Variants in RDH11 observed in about 807,000 individuals in gnomAD.
The protein encoded by RDH11 is HCV core-binding protein HCBP12.
RDH11 carries 19 observed loss-of-function variants against 33.4 expected under a neutral mutation model. The observed-to-expected ratio is 0.57, with a 90% CI of 0.40 to 0.83. RDH11 has a LOEUF of 0.83. Among genes scored for constraint, RDH11 ranks in the 40% least tolerant of loss-of-function variants. The pLI is 0.00. For synonymous variants in RDH11, 154 were observed against 155.3 expected, an observed-to-expected ratio of 0.99 and a Z score of 0.06; for missense variants, 353 against 389.0, an observed-to-expected ratio of 0.91 and a Z score of 0.78.
Position 67,692,981 on chromosome 14 carries a change from G to T in RDH11, c.146C>A (p.Ala49Asp). 6.2e-7 allele frequency: 1 copy of T among 1,614,112 alleles called. No homozygotes were observed. Among genetic ancestry groups the T allele is most frequent in the East Asian group, 2.2e-5 (1 of 44,870 alleles). ...LPGKVVVVTG[A>D]NTGIGKETAK... ...TGTCTCCTTCCCGATACCTGTATTA[G>T]CTCCTGTGACCACAACTACTTTCCC... Residue 49 changes from alanine to aspartate, a missense_variant, in exon 2 of 7, where the codon GCT becomes GAT. Coordinates refer to ENST00000381346, the MANE Select transcript of RDH11 (RefSeq NM_016026.4).
At chr14:67,694,515 TA>T (rs57038358) in intron 1 of RDH11, among the ~76,000 whole-genome samples, 3,947 of 136,464 alleles carry the variant, frequency 0.029, 196 homozygotes, top group African/African-American at 0.097. Context: ...TACACACATA[TA>T]TTTTTTTTTT....
chr14:67,694,725 G>C (rs932917089), intron 1 of RDH11, among the ~76,000 whole-genome samples: 10 of 152,154 alleles, frequency 6.6e-5, no homozygotes, highest in African/African-American at 2.4e-4. Flanking sequence ...AACTGGAAGA[G>C]GGGCACCAGA....
intron 5 of RDH11, among the ~76,000 whole-genome samples, chr14:67,687,477 T>C (rs2037693799): frequency 6.7e-6 from 1 of 150,040 alleles, no homozygotes; most frequent in East Asian, 2.0e-4. Flanking sequence ...CTTTTTTTTT[T>C]TTTTTTTTTT....
At chr14:67,694,180 GT>G (rs2140086736) in intron 1 of RDH11, among the ~76,000 whole-genome samples, 1 of 152,212 alleles carries the variant, frequency 6.6e-6, no homozygotes, top group South Asian at 2.1e-4. Flanking sequence ...TACCTGCATA[GT>G]GCGAAAATGC....
chr14:67,685,230 G>A (rs755270946), intron 5 of RDH11, 26 bp from the exon 6 acceptor site: 13 of 1,583,412 alleles, frequency 8.2e-6, no homozygotes, highest in South Asian at 1.1e-5. Flanking sequence ...ATGAAGAGAG[G>A]GTAAGACAGG....
intron 5 of RDH11, among the ~76,000 whole-genome samples, chr14:67,688,200 G>A (rs1396466597): frequency 6.6e-6 from 1 of 152,088 alleles, no homozygotes; most frequent in African/African-American, 2.4e-5. Context: ...GTCCCCCCAA[G>A]ACTCCCACTA....
chr14:67,693,786 C>T (rs1355355242), intron 1 of RDH11, among the ~76,000 whole-genome samples: 2 of 151,738 alleles, frequency 1.3e-5, no homozygotes, highest in Admixed American at 1.3e-4. Flanking sequence ...CATCCCTCAC[C>T]CCCTCACCCA....
chr14:67,693,145 G>T, intron 1 of RDH11, 93 bp from the exon 2 acceptor site: 2 of 775,010 alleles, frequency 2.6e-6, no homozygotes, highest in Non-Finnish European at 4.2e-6. Context: ...GCTGAGGTTT[G>T]CTTTAGTTCT....
At position 67,681,662 on chromosome 14, in the gene RDH11, G is replaced by A. The variant is rs2037617034; in HGVS notation, c.855-3239C>T. The stretch of plus-strand genomic sequence containing the variant: ...CCAGGCATGGTGGTGTGCACCTGTA[G>A]TCCCAGCTACTCGGGAGGCTGAGAC... On this transcript the variant is annotated intron_variant, in intron 6 of 6. Transcript: ENST00000381346. Among the ~76,000 whole-genome samples the A allele has an allele frequency of 2.0e-5, 3 of 152,116 alleles. No individual in the cohort carries two copies. The South Asian group carries it at 6.2e-4, about 31-fold the overall frequency.
At chr14:67,691,465 C>T in intron 3 of RDH11, 1 of 468,864 alleles carries the variant, frequency 2.1e-6, no homozygotes, top group South Asian at 2.9e-5. Context: ...TACCAAATGA[C>T]CTTCCAGATC....
chr14:67,695,697 C>T lies in RDH11; in HGVS notation c.7G>A (p.Glu3Lys). Reference protein sequence around the residue: MVELMFPLLLLLL... With the variant: MVKLMFPLLLLLL... The stretch of plus-strand genomic sequence containing the variant: ...AGGAGCAACAGCGGGAACATGAGCT[C>T]AACCATCTCTGCCGGCTGCAGCGGC... Residue 3 changes from glutamate (E) to lysine (K), a missense_variant, in exon 1 of 7, where the codon GAG (glutamate) becomes AAG (lysine). Glu to Lys is a moderately conservative substitution (Grantham distance 56, BLOSUM62 1). Coordinates refer to ENST00000381346, the MANE Select transcript of RDH11 (RefSeq NM_016026.4). 1.2e-6 allele frequency: 2 copies of T among 1,614,164 alleles called. No individual in the cohort carries two copies. Among genetic ancestry groups the T allele is most frequent in the Non-Finnish European group, 8.5e-7 (1 of 1,180,018 alleles).
rs547443174 is a variant in RDH11 at position 67,677,628 on chromosome 14, T to C, written c.*693A>G. On this transcript the variant is annotated 3_prime_UTR_variant, in exon 7 of 7. Coordinates refer to ENST00000381346, the MANE Select transcript of RDH11 (RefSeq NM_016026.4). Reference sequence around the variant, plus strand: ...TGCTCTTGGTGGGTAGTTACCAACATATACAGAATCTGCTTCCCTTTGCAG... The same window carrying C: ...TGCTCTTGGTGGGTAGTTACCAACACATACAGAATCTGCTTCCCTTTGCAG... The C allele has an allele frequency of 5.9e-5, 9 of 152,254 alleles. No individual in the cohort carries two copies. In the East Asian group the frequency reaches 7.7e-4, roughly 13 times the overall value. 9.4% of individuals were successfully genotyped at this position (152,254 alleles called of 1,614,324 possible). A position where few individuals can be genotyped will look rare whatever the true frequency, so the allele number is the denominator to read the frequency against.
intron 5 of RDH11, among the ~76,000 whole-genome samples, 192 bp from the exon 6 acceptor site, chr14:67,685,396 T>C (rs1431046686): frequency 1.3e-5 from 2 of 152,174 alleles, no homozygotes; most frequent in Admixed American, 1.3e-4. Flanking sequence ...GAGTAGACAG[T>C]GCTAAGGACC....
chr14:67,694,626 AGAT>A (rs2037804517), intron 1 of RDH11, among the ~76,000 whole-genome samples: 2 of 152,058 alleles, frequency 1.3e-5, no homozygotes, highest in Admixed American at 6.6e-5. Flanking sequence ...AGTGAAAAAA[AGAT>A]AAAAAGCAGT....
intron 5 of RDH11, among the ~76,000 whole-genome samples, chr14:67,689,731 G>A (rs1433392450): frequency 6.6e-6 from 1 of 152,130 alleles, no homozygotes; most frequent in Non-Finnish European, 1.5e-5. Context: ...ATCACCTGAG[G>A]TCACGAGTTC....
Position 67,687,068 on chromosome 14 carries a change from T to C in RDH11, c.665-1864A>G, listed in dbSNP as rs2037687507. ...CATGCCCAATCAGGCAAAAGGGTTC[T>C]GATGAATGCCCACCTAAAGCATGCA... On this transcript the variant is annotated intron_variant, in intron 5 of 6. Transcript: ENST00000381346. Among the ~76,000 whole-genome samples the C allele has an allele frequency of 2.6e-5, 4 of 152,330 alleles. No individual in the cohort carries two copies. In the South Asian group the frequency reaches 8.3e-4, roughly 32 times the overall value.
intron 6 of RDH11, among the ~76,000 whole-genome samples, chr14:67,682,197 T>C (rs2037624214): frequency 1.3e-5 from 2 of 152,186 alleles, no homozygotes; most frequent in Admixed American, 6.5e-5. Context: ...TAGTAAATCT[T>C]TGTGACCTTG....
chr14:67,693,098 TCAGC>T, intron 1 of RDH11, 46 bp from the exon 2 acceptor site: 1 of 1,382,484 alleles, frequency 7.2e-7, no homozygotes, highest in Admixed American at 1.8e-5. Context: ...TTCTACTGTC[TCAGC>T]CAGTAGGTTC....
At chr14:67,694,854 G>C (rs1233801619) in intron 1 of RDH11, among the ~76,000 whole-genome samples, 1 of 152,168 alleles carries the variant, frequency 6.6e-6, no homozygotes, top group African/African-American at 2.4e-5. Context: ...GGGAAGGAGT[G>C]TGTCTGTCTA....
Sources: gnomAD v4.1 joint callset for allele counts (sites outside exome capture counted in the v4.1 genomes callset) on GRCh38, gnomAD v4.1.1 for gene constraint, MANE v1.5 for transcripts, NCBI Gene and HGNC (gene_info 2026-07-23, HGNC 2026-07-21) for gene names.